Variants in CHST12 observed in about 807,000 individuals in gnomAD.
The protein encoded by CHST12 is carbohydrate sulfotransferase 12, also known as carbohydrate (chondroitin 4) sulfotransferase 12.
A neutral mutation model predicts 27.9 loss-of-function variants in CHST12; 23 were observed. That is an observed-to-expected ratio of 0.82 (90% confidence interval 0.59 to 1.17). The LOEUF is 1.17. Ranked by LOEUF, CHST12 falls within the 50% of genes most tolerant of loss-of-function variation. The pLI is 0.00. For synonymous variants in CHST12, 322 were observed against 273.0 expected (o/e 1.18, Z -1.77); for missense variants, 682 against 603.0 (o/e 1.13, Z -1.37).
intron 1 of CHST12, among the ~76,000 whole-genome samples, chr7:2,421,610 T>A (rs1056307833): frequency 7.2e-5 from 11 of 152,176 alleles, no homozygotes; most frequent in African/African-American, 2.2e-4. Flanking sequence ...CTAATTTTTT[T>A]ATTTTTAGTA....
intron 1 of CHST12, among the ~76,000 whole-genome samples, chr7:2,423,575 C>G (rs768108009): frequency 2.0e-5 from 3 of 152,108 alleles, no homozygotes; most frequent in African/African-American, 7.2e-5. Flanking sequence ...GGCCACAGGG[C>G]GGGAGGAGGT....
At position 2,433,249 on chromosome 7, in the gene CHST12, C is replaced by T. The variant is rs1015048324; in HGVS notation, c.610C>T (p.Arg204Cys). The change falls in exon 2 of 2, where the codon CGC becomes TGC. Residue 204 changes from arginine to cysteine, a missense_variant. Physicochemically the swap from Arg to Cys is radical, Grantham distance 180. Coordinates refer to ENST00000618655, the MANE Select transcript of CHST12 (RefSeq NM_018641.5). The surrounding 1 kb of genome is among the most constrained non-coding windows in gnomAD (Gnocchi z 6.1). ...CTACCGCGACCCGCTGCGCATCCCG[C>T]GCGAGCACGTGCACAACGCCAGCGC... ...APYRDPLRIPREHVHNASAHL... is the reference protein window; with the variant it reads ...APYRDPLRIPCEHVHNASAHL... The T allele has an allele frequency of 4.3e-6, 7 of 1,611,498 alleles. No individual in the cohort carries two copies. Among genetic ancestry groups the T allele is most frequent in the Non-Finnish European group, 5.9e-6 (7 of 1,178,658 alleles).
In CHST12 at chr7:2,436,172, T is replaced by C. The variant is rs1046409433; in HGVS notation, c.*2288T>C. On this transcript the variant is annotated 3_prime_UTR_variant, in exon 2 of 2. Transcript: ENST00000618655. ...ATTTTAAACGTACCATCTTAACCAT[T>C]GTTAAGTGCACTGTTGTGTGGCATT... 4 of 152,224 alleles carry C rather than the reference T, an allele frequency of 2.6e-5. No homozygotes were observed. The highest frequency in any genetic ancestry group is 9.7e-5 in the African/African-American group (4 of 41,446). 9.4% of individuals were successfully genotyped at this position (152,224 alleles called of 1,614,324 possible).
At position 2,444,173 on chromosome 7, in the gene CHST12, A is replaced by G. The variant is rs1203517614; in HGVS notation, c.*10289A>G. ...GTGGCGGGCGCCTGTAGTCCCAGCT[A>G]CTTGGGAGGCTGAGGCAGGAGAATG... On this transcript the variant is annotated 3_prime_UTR_variant, in exon 2 of 2. Transcript: ENST00000618655. 1.4e-5 allele frequency: 2 copies of G among 146,868 alleles called. No individual in the cohort carries two copies. The highest frequency in any genetic ancestry group is 3.0e-5 in the Non-Finnish European group (2 of 66,302). 9.1% of individuals were successfully genotyped at this position (146,868 alleles called of 1,614,324 possible).
intron 1 of CHST12, among the ~76,000 whole-genome samples, chr7:2,430,079 G>A (rs1027902415): frequency 5.9e-5 from 9 of 151,728 alleles, no homozygotes; most frequent in East Asian, 1.9e-4. Context: ...CACCGTGCCC[G>A]GCCTTTTCTG....
intron 1 of CHST12, among the ~76,000 whole-genome samples, chr7:2,425,749 C>T (rs1782101695): frequency 6.6e-6 from 1 of 150,948 alleles, no homozygotes; most frequent in South Asian, 2.1e-4. Context: ...ATCCAACTTG[C>T]AGGTCTTCTC....
chr7:2,427,522 A>G (rs1354759407), intron 1 of CHST12, among the ~76,000 whole-genome samples: 1 of 151,756 alleles, frequency 6.6e-6, no homozygotes, highest in Non-Finnish European at 1.5e-5. Context: ...AAAAAAGTTT[A>G]CACATTTGTT....
rs910866513 is a variant in CHST12, at chr7:2,435,785, C to G, written c.*1901C>G. On this transcript the variant is annotated 3_prime_UTR_variant, in exon 2 of 2. Transcript: ENST00000618655. ...CCCTGTGTTAGACACCTCCTGCCTT[C>G]CTTTCTGAAGCTTCGCTTTCTTTTA... The G allele has an allele frequency of 6.6e-6, 1 of 152,314 alleles. No homozygotes were observed. Among genetic ancestry groups the G allele is most frequent in the African/African-American group, 2.4e-5 (1 of 41,450 alleles). The allele number at this position is 152,314 out of a possible 1,614,324, so 9.4% of individuals were successfully genotyped here.
intron 1 of CHST12, among the ~76,000 whole-genome samples, chr7:2,415,028 A>G (rs1781768083): frequency 6.6e-6 from 1 of 152,192 alleles, no homozygotes; most frequent in African/African-American, 2.4e-5. Context: ...TGAATATCGC[A>G]ATAAAGAGAG....
intron 1 of CHST12, among the ~76,000 whole-genome samples, chr7:2,423,639 G>A (rs1402573712): frequency 1.3e-5 from 2 of 152,230 alleles, no homozygotes; most frequent in Non-Finnish European, 2.9e-5. Flanking sequence ...GCTGAGCTCT[G>A]TGGGTCCAGG....
At chr7:2,413,882 C>T (rs1465881855) in intron 1 of CHST12, among the ~76,000 whole-genome samples, 2 of 151,916 alleles carry the variant, frequency 1.3e-5, no homozygotes, top group Admixed American at 6.6e-5. Context: ...GCACCCACCA[C>T]CACACCCAGC....
In CHST12 at chr7:2,407,484, A is replaced by G. The variant is rs139219823; in HGVS notation, c.-78+3811A>G. Among the ~76,000 whole-genome samples, 754 of 152,274 alleles carry G rather than the reference A, an allele frequency of 5.0e-3. 5 individuals carry two copies. Among genetic ancestry groups the G allele is most frequent in the African/African-American group, 0.018 (737 of 41,554 alleles). On this transcript the variant is annotated intron_variant, in intron 1 of 1. Coordinates refer to ENST00000618655, the MANE Select transcript of CHST12 (RefSeq NM_018641.5). ...ATAAAATACATTTTAAAAAGTTTCC[A>G]GAAGAAAAAAATAGGGAAAACAGGA... is the stretch of plus-strand genomic sequence containing the variant.
At chr7:2,415,120 T>G (rs1781770397) in intron 1 of CHST12, among the ~76,000 whole-genome samples, 1 of 152,196 alleles carries the variant, frequency 6.6e-6, no homozygotes, top group Admixed American at 6.5e-5. Flanking sequence ...GTCCCTGCAC[T>G]TTGGGAGGCC....
At chr7:2,413,894 A>G (rs1217949648) in intron 1 of CHST12, among the ~76,000 whole-genome samples, 4 of 151,494 alleles carry the variant, frequency 2.6e-5, no homozygotes, top group South Asian at 2.1e-4. Context: ...ACACCCAGCT[A>G]ATTTTTGTAT....
rs11772900 is a variant in CHST12 at position 2,445,588 on chromosome 7, A to T, written c.*11704A>T. Reference sequence around the variant, plus strand: ...TGGGATTACAGGTGTGTGCCACCACATCCAGCTAATTTTTTGTATTTTTAG... The same window carrying T: ...TGGGATTACAGGTGTGTGCCACCACTTCCAGCTAATTTTTTGTATTTTTAG... On this transcript the variant is annotated 3_prime_UTR_variant, in exon 2 of 2. Coordinates refer to ENST00000618655, the MANE Select transcript of CHST12 (RefSeq NM_018641.5). 16,980 of 152,224 alleles carry T rather than the reference A, an allele frequency of 0.11. 1,290 individuals are homozygous for T. The highest frequency in any genetic ancestry group is 0.2 in the South Asian group (958 of 4,818). 9.4% of individuals were successfully genotyped at this position (152,224 alleles called of 1,614,324 possible). A position where few individuals can be genotyped will look rare whatever the true frequency, so the allele number is the denominator to read the frequency against.
chr7:2,420,948 T>C (rs1781957154), intron 1 of CHST12, among the ~76,000 whole-genome samples: 1 of 152,178 alleles, frequency 6.6e-6, no homozygotes, highest in African/African-American at 2.4e-5. Flanking sequence ...CACTGCAACC[T>C]CTGCCTCCTG....
chr7:2,407,300 TAGCC>T (rs1781549369), intron 1 of CHST12, among the ~76,000 whole-genome samples: 1 of 151,418 alleles, frequency 6.6e-6, no homozygotes, highest in Admixed American at 6.6e-5. Flanking sequence ...ATTTAAAAAT[TAGCC>T]AGGTGTGGTG....
At chr7:2,405,430 T>A (rs1781497458) in intron 1 of CHST12, among the ~76,000 whole-genome samples, 1 of 151,326 alleles carries the variant, frequency 6.6e-6, no homozygotes, top group East Asian at 1.9e-4. Context: ...GGCAACAGAG[T>A]AAAAAAAAGA....
rs1173537712 is a variant in CHST12 at position 2,432,831 on chromosome 7, C to T, written c.192C>T (p.Ser64=). The T allele has an allele frequency of 1.4e-5, 22 of 1,613,762 alleles. No homozygotes were observed. Among genetic ancestry groups the T allele is most frequent in the Middle Eastern group, 1.6e-4 (1 of 6,084 alleles). ...GGGACAGGGAGCTCACGGCCGACTCCGATGTCGACGAGTTTCTGGACAAGT... is the reference window on the plus strand; with the variant it reads ...GGGACAGGGAGCTCACGGCCGACTCTGATGTCGACGAGTTTCTGGACAAGT... ...PDRDRELTAD[S]DVDEFLDKFL... The change falls in exon 2 of 2, where the codon TCC becomes TCT. Residue 64 remains serine, a synonymous_variant. Transcript: ENST00000618655.
Sources: gnomAD v4.1 joint callset for allele counts (sites outside exome capture counted in the v4.1 genomes callset) on GRCh38, gnomAD v4.1.1 for gene constraint, Gnocchi (gnomAD v3.1) non-coding constraint, MANE v1.5 for transcripts, NCBI Gene and HGNC (gene_info 2026-07-23, HGNC 2026-07-21) for gene names.